Variants in PSD3 observed in about 807,000 individuals in gnomAD.
PSD3 encodes the protein PH and SEC7 domain-containing protein 3.
PSD3 carries 49 observed loss-of-function variants against 105.5 expected under a neutral mutation model. That is an observed-to-expected ratio of 0.46 (90% CI 0.37 to 0.59). PSD3 has a LOEUF of 0.59. Ranked by LOEUF, PSD3 falls within the 20% of genes least tolerant of loss-of-function variation. PSD3 has a pLI of 0.00. For missense variants in PSD3, 1,561 were observed against 1,263.8 expected, an observed-to-expected ratio of 1.24 and a Z score of -3.57; for synonymous variants, 557 against 457.8, an observed-to-expected ratio of 1.22 and a Z score of -2.77.
intron 9 of PSD3, chr8:18,721,127 G>C (rs1802941016): frequency 6.6e-6 from 1 of 152,024 alleles, no homozygotes; most frequent in African/African-American, 2.4e-5. Flanking sequence ...GAGCCCTAGT[G>C]ATTCATGTCA....
intron 1 of PSD3, among the ~76,000 whole-genome samples, chr8:19,061,020 A>T (rs1299102890): frequency 1.3e-5 from 2 of 152,118 alleles, no homozygotes; most frequent in Non-Finnish European, 2.9e-5. Context: ...GGGCACATTC[A>T]TTAGCCAGGG....
intron 14 of PSD3, among the ~76,000 whole-genome samples, chr8:18,560,369 C>T (rs772933908): frequency 6.6e-6 from 1 of 151,966 alleles, no homozygotes; most frequent in African/African-American, 2.4e-5. Flanking sequence ...CTTTTTTATT[C>T]CCCCACCTTT....
intron 14 of PSD3, among the ~76,000 whole-genome samples, chr8:18,561,539 T>C (rs990369205): frequency 1.3e-5 from 2 of 152,150 alleles, no homozygotes; most frequent in Admixed American, 6.6e-5. Context: ...CTGTTGTGTA[T>C]CATGATGGCT....
intron 11 of PSD3, among the ~76,000 whole-genome samples, chr8:18,612,215 C>T (rs1805317386): frequency 6.6e-6 from 1 of 152,150 alleles, no homozygotes; most frequent in Non-Finnish European, 1.5e-5. Flanking sequence ...GAGCACTGGC[C>T]TCATTTCTCT....
chr8:19,003,215 GAGA>G (rs1233172379), intron 1 of PSD3, among the ~76,000 whole-genome samples: 1 of 151,938 alleles, frequency 6.6e-6, no homozygotes, highest in Admixed American at 6.6e-5. Context: ...TATCCTTTAA[GAGA>G]AGAACAGGGC....
chr8:18,919,463 C>T (rs919242262), intron 2 of PSD3, among the ~76,000 whole-genome samples: 1 of 152,054 alleles, frequency 6.6e-6, no homozygotes, highest in Non-Finnish European at 1.5e-5. Flanking sequence ...TCATTCAATA[C>T]TAGATTTCTG....
At chr8:18,999,597 A>G (rs73666780) in intron 1 of PSD3, among the ~76,000 whole-genome samples, 3,906 of 152,052 alleles carry the variant, frequency 0.026, 209 homozygotes, top group African/African-American at 0.09. Flanking sequence ...TTTAGAAAGA[A>G]GCCATTAAAT....
intron 4 of PSD3, among the ~76,000 whole-genome samples, chr8:18,825,996 G>C (rs1273507724): frequency 1.3e-5 from 2 of 152,188 alleles, no homozygotes; most frequent in African/African-American, 4.8e-5. Flanking sequence ...ATGAGCGTTT[G>C]AGTGGTGGAC....
At chr8:18,628,067 A>T (rs1275637630) in intron 11 of PSD3, among the ~76,000 whole-genome samples, 1 of 152,038 alleles carries the variant, frequency 6.6e-6, no homozygotes, top group African/African-American at 2.4e-5. Flanking sequence ...AATAAAAACT[A>T]TCAAATAAAG....
intron 2 of PSD3, among the ~76,000 whole-genome samples, chr8:18,899,275 C>G (rs1819346300): frequency 6.6e-6 from 1 of 152,154 alleles, no homozygotes; most frequent in African/African-American, 2.4e-5. Context: ...CTCACCACCC[C>G]TCATACCTTT....
chr8:18,612,392 G>C (rs12543677), intron 11 of PSD3, among the ~76,000 whole-genome samples: 4,338 of 148,746 alleles, frequency 0.029, 86 homozygotes, highest in Non-Finnish European at 0.045. Flanking sequence ...TTTTTCTTTT[G>C]AGACGGAGTC....
chr8:18,975,357 A>T (rs17384708), intron 1 of PSD3, among the ~76,000 whole-genome samples: 16,427 of 148,810 alleles, frequency 0.11, 1,148 homozygotes, highest in Non-Finnish European at 0.16. Context: ...CATAGGCTTC[A>T]GCCAGCTAAC....
chr8:18,836,970 T>G (rs1236290228), intron 4 of PSD3, among the ~76,000 whole-genome samples: 1 of 150,910 alleles, frequency 6.6e-6, no homozygotes, highest in East Asian at 1.9e-4. Context: ...TTTTTTTTAA[T>G]ACACATGCAG....
intron 2 of PSD3, among the ~76,000 whole-genome samples, chr8:18,915,884 T>G (rs567111253): frequency 6.6e-6 from 1 of 151,914 alleles, no homozygotes; most frequent in African/African-American, 2.4e-5. Flanking sequence ...TCACCTGAGG[T>G]TGGGAGTTAG....
At chr8:18,712,286 G>T (rs890812521) in intron 9 of PSD3, among the ~76,000 whole-genome samples, 1 of 150,098 alleles carries the variant, frequency 6.7e-6, no homozygotes, top group African/African-American at 2.5e-5. Context: ...GCGCAGAACT[G>T]AAGGAGATAG....
intron 4 of PSD3, among the ~76,000 whole-genome samples, chr8:18,846,326 C>A (rs1367799772): frequency 2.0e-5 from 3 of 152,172 alleles, no homozygotes; most frequent in Admixed American, 2.0e-4. Context: ...AACCTGAATG[C>A]CAACATTTAA....
intron 1 of PSD3, among the ~76,000 whole-genome samples, chr8:19,082,801 A>G (rs1829683562): frequency 6.6e-6 from 1 of 152,228 alleles, no homozygotes; most frequent in African/African-American, 2.4e-5. Context: ...ATGCAGGAGT[A>G]TGTCATTCCT....
At chr8:18,743,845 G>A (rs1039148739) in intron 9 of PSD3, among the ~76,000 whole-genome samples, 32 of 151,604 alleles carry the variant, frequency 2.1e-4, no homozygotes, top group Non-Finnish European at 2.5e-4. Flanking sequence ...GCTACTTTGA[G>A]GGGGGAGGTT....
chr8:19,003,755 G>A (rs7814060), intron 1 of PSD3, among the ~76,000 whole-genome samples: 31,268 of 151,222 alleles, frequency 0.21, 4,258 homozygotes, highest in Middle Eastern at 0.34. Context: ...GGGGTGGGGG[G>A]TTGGGGACTT....
Sources: gnomAD v4.1 joint callset for allele counts (sites outside exome capture counted in the v4.1 genomes callset) on GRCh38, gnomAD v4.1.1 for gene constraint, MANE v1.5 for transcripts, NCBI Gene and HGNC (gene_info 2026-07-23, HGNC 2026-07-21) for gene names.